The following GPC5 variants were observed in gnomAD, a reference collection of about 807,000 sequenced individuals.
GPC5 encodes the protein glypican 5.
A neutral mutation model predicts 53.9 loss-of-function variants in GPC5; 47 were observed. The ratio of observed to expected loss-of-function variants is 0.87; its 90% CI spans 0.69 to 1.11. GPC5 has a LOEUF of 1.11. Among genes scored for constraint, GPC5 ranks in the 50% most tolerant of loss-of-function variants. The probability of loss-of-function intolerance (pLI) is 0.00; values close to 1 mark genes in which losing one functional copy is unlikely to be tolerated. For synonymous variants in GPC5, 286 were observed against 263.3 expected (o/e 1.09, Z -0.84); for missense variants, 748 against 713.1 (o/e 1.05, Z -0.56).
At chr13:92,534,144 G>C (rs1191787181) in intron 7 of GPC5, among the ~76,000 whole-genome samples, 1 of 152,054 alleles carries the variant, frequency 6.6e-6, no homozygotes, top group African/African-American at 2.4e-5. Context: ...TAAAAAAATA[G>C]CTGAGCAGAG....
At chr13:92,160,009 T>C (rs2041975650) in intron 7 of GPC5, among the ~76,000 whole-genome samples, 1 of 152,006 alleles carries the variant, frequency 6.6e-6, no homozygotes, top group Non-Finnish European at 1.5e-5. Flanking sequence ...TTCAAGCAAT[T>C]CTCCTGCTTC....
chr13:92,244,688 T>C (rs2042637789), intron 7 of GPC5, among the ~76,000 whole-genome samples: 2 of 152,196 alleles, frequency 1.3e-5, no homozygotes, highest in Non-Finnish European at 2.9e-5. Flanking sequence ...CATTTTCCTC[T>C]AAAGCTGGGA....
intron 6 of GPC5, among the ~76,000 whole-genome samples, chr13:91,930,632 C>A (rs1469914712): frequency 6.6e-6 from 1 of 151,908 alleles, no homozygotes; most frequent in Admixed American, 6.6e-5. Flanking sequence ...CACATGGCAG[C>A]CCAATAAATA....
chr13:91,878,346 T>C (rs2039227193), intron 5 of GPC5, among the ~76,000 whole-genome samples: 1 of 152,216 alleles, frequency 6.6e-6, no homozygotes, highest in Admixed American at 6.5e-5. Context: ...AAATGAGTAC[T>C]TTTGTATTCA....
chr13:92,078,073 A>T (rs1414336279), intron 6 of GPC5, among the ~76,000 whole-genome samples: 2 of 152,228 alleles, frequency 1.3e-5, no homozygotes, highest in African/African-American at 2.4e-5. Flanking sequence ...ATGTGTATAC[A>T]TCATATATAC....
chr13:92,026,983 T>C (rs940334767), intron 6 of GPC5, among the ~76,000 whole-genome samples: 2 of 152,188 alleles, frequency 1.3e-5, no homozygotes, highest in Non-Finnish European at 2.9e-5. Flanking sequence ...GAGTGATCAG[T>C]GCATAGCCTG....
At chr13:92,097,096 G>C (rs1225697452) in intron 6 of GPC5, among the ~76,000 whole-genome samples, 1 of 152,206 alleles carries the variant, frequency 6.6e-6, no homozygotes, top group African/African-American at 2.4e-5. Flanking sequence ...AGGATATGCT[G>C]GTGAGGTCTC....
At chr13:92,618,925 C>A (rs1230499830) in intron 7 of GPC5, among the ~76,000 whole-genome samples, 1 of 151,848 alleles carries the variant, frequency 6.6e-6, no homozygotes, top group Non-Finnish European at 1.5e-5. Context: ...ATTAAGTTAA[C>A]TTTCTATATT....
intron 2 of GPC5, among the ~76,000 whole-genome samples, chr13:91,685,644 A>G (rs188219779): frequency 6.6e-6 from 1 of 152,294 alleles, no homozygotes; most frequent in African/African-American, 2.4e-5. Context: ...AAGCTTTATA[A>G]GGACAGAAAC....
intron 7 of GPC5, among the ~76,000 whole-genome samples, chr13:92,666,116 T>C (rs1468458493): frequency 1.3e-5 from 2 of 152,226 alleles, no homozygotes; most frequent in South Asian, 2.1e-4. Flanking sequence ...CCAAAGCTTG[T>C]AAATTACTTT....
intron 6 of GPC5, among the ~76,000 whole-genome samples, chr13:91,958,747 A>G (rs1455752264): frequency 6.6e-6 from 1 of 152,114 alleles, no homozygotes; most frequent in Admixed American, 6.6e-5. Context: ...GTACAAATAC[A>G]TGGAAATTAA....
intron 7 of GPC5, among the ~76,000 whole-genome samples, chr13:92,247,247 T>C (rs1425868791): frequency 6.6e-6 from 1 of 152,170 alleles, no homozygotes; most frequent in African/African-American, 2.4e-5. Context: ...TATATATGTA[T>C]GTGTATAAGT....
At chr13:92,367,731 A>G (rs1180019074) in intron 7 of GPC5, among the ~76,000 whole-genome samples, 1 of 152,230 alleles carries the variant, frequency 6.6e-6, no homozygotes, top group African/African-American at 2.4e-5. Context: ...ATTTAAAAAC[A>G]TATTTTCCCA....
chr13:92,787,763 GC>G (rs569539033), intron 7 of GPC5, among the ~76,000 whole-genome samples: 263 of 150,796 alleles, frequency 1.7e-3, no homozygotes, highest in African/African-American at 6.2e-3. Context: ...TATAGTCCCA[GC>G]TACTTGGGAG....
intron 7 of GPC5, among the ~76,000 whole-genome samples, chr13:92,197,792 A>C (rs1215776981): frequency 6.6e-6 from 1 of 151,908 alleles, no homozygotes; most frequent in Non-Finnish European, 1.5e-5. Flanking sequence ...CTAGGATTAC[A>C]GGCATGAGTC....
At chr13:92,094,058 T>C (rs1212840765) in intron 6 of GPC5, among the ~76,000 whole-genome samples, 1 of 152,170 alleles carries the variant, frequency 6.6e-6, no homozygotes, top group Non-Finnish European at 1.5e-5. Flanking sequence ...TTAATTAATA[T>C]TGGGGTCAAA....
At chr13:92,763,433 T>C (rs1209683599) in intron 7 of GPC5, among the ~76,000 whole-genome samples, 1 of 152,112 alleles carries the variant, frequency 6.6e-6, no homozygotes, top group Non-Finnish European at 1.5e-5. Context: ...GCAGTGGCAG[T>C]GTAGGTTGTT....
intron 7 of GPC5, among the ~76,000 whole-genome samples, chr13:92,165,597 GA>G (rs1423096977): frequency 6.6e-6 from 1 of 152,156 alleles, no homozygotes; most frequent in African/African-American, 2.4e-5. Flanking sequence ...ACTATCATGA[GA>G]ACAGCATAGG....
chr13:92,759,369 A>G (rs1246940842), intron 7 of GPC5, among the ~76,000 whole-genome samples: 1 of 151,930 alleles, frequency 6.6e-6, no homozygotes, highest in East Asian at 1.9e-4. Flanking sequence ...TTTATTCAGG[A>G]GCAATGGGAT....
Sources: allele counts gnomAD v4.1 joint callset (sites outside exome capture counted in the v4.1 genomes callset), GRCh38; gene constraint gnomAD v4.1.1; transcripts MANE v1.5; gene names NCBI Gene and HGNC (gene_info 2026-07-23, HGNC 2026-07-21).